COL18A1: variants seen among roughly 807,000 people sequenced by gnomAD.
COL18A1 encodes the protein collagen alpha-1(XVIII) chain.
COL18A1 carries 133 observed loss-of-function variants against 168.0 expected under a neutral mutation model. That is an observed-to-expected ratio of 0.79 (90% CI 0.69 to 0.91). The LOEUF (loss-of-function observed/expected upper bound fraction) is 0.91. Ranked by LOEUF, COL18A1 falls within the 40% of genes least tolerant of loss-of-function variation. The pLI, the probability that COL18A1 is intolerant of heterozygous loss-of-function variation, is 0.00. For synonymous variants in COL18A1, 949 were observed against 809.0 expected (o/e 1.17, Z -2.94); for missense variants, 2,126 against 1,925.4 (o/e 1.10, Z -1.95).
At chr21:45,493,353 T>TCC in intron 25 of COL18A1, 128 bp downstream of exon 25, 1 of 1,287,734 alleles carries the variant, frequency 7.8e-7, no homozygotes, top group Non-Finnish European at 1.1e-6. Context: ...GAGGGGTACA[T>TCC]CCCTGCTCGG....
At chr21:45,495,668 A>G (rs1186908562) in intron 29 of COL18A1, 6 of 521,640 alleles carry the variant, frequency 1.2e-5, no homozygotes, top group African/African-American at 9.6e-5. Flanking sequence ...GTGTGCACAT[A>G]TACACATGCA....
intron 15 of COL18A1, among the ~76,000 whole-genome samples, chr21:45,485,358 C>G (rs1032112463): frequency 6.6e-6 from 1 of 151,142 alleles, no homozygotes; most frequent in Non-Finnish European, 1.5e-5. Flanking sequence ...AGGCTGGACA[C>G]GATGGCTCAC....
In COL18A1 at chr21:45,475,187, G is replaced by C. The variant is rs530353785; in HGVS notation, c.739-289G>C. Among the ~76,000 whole-genome samples the C allele has an allele frequency of 1.2e-4, 18 of 152,342 alleles. No homozygotes were observed. The East Asian group carries it at 3.5e-3, about 30-fold the overall frequency. On this transcript the variant is annotated intron_variant, in intron 4 of 41. Transcript: ENST00000651438. Reference sequence around the variant, plus strand: ...AGGGCTCTGGCCAGAAGAGAGGAGCGCGTTCCCCCTCCCGCCTCCGCATGT... The same window carrying C: ...AGGGCTCTGGCCAGAAGAGAGGAGCCCGTTCCCCCTCCCGCCTCCGCATGT...
intron 9 of COL18A1, among the ~76,000 whole-genome samples, chr21:45,479,304 C>T (rs1254010016): frequency 1.3e-5 from 2 of 152,050 alleles, no homozygotes; most frequent in African/African-American, 2.4e-5. Flanking sequence ...TGTGTGCACA[C>T]ACCACACATT....
At chr21:45,468,949 G>A (rs995416090) in intron 3 of COL18A1, among the ~76,000 whole-genome samples, 163 bp downstream of exon 3, 3 of 152,094 alleles carry the variant, frequency 2.0e-5, no homozygotes, top group Non-Finnish European at 2.9e-5. Flanking sequence ...GTTCTTGGCT[G>A]CTCAGCCCTG....
At chr21:45,410,120 G>A (rs140886659) in intron 2 of COL18A1, 12 of 152,156 alleles carry the variant, frequency 7.9e-5, no homozygotes, top group African/African-American at 2.9e-4. Flanking sequence ...CCTCCGGCGC[G>A]GGCAGGCCCC....
rs1403429310 is a variant in COL18A1 at position 45,505,146 on chromosome 21, G to A, written c.2881G>A (p.Glu961Lys). 6.2e-7 allele frequency: 1 copy of A among 1,609,488 alleles called. No homozygotes were observed. Among genetic ancestry groups the A allele is most frequent in the Admixed American group, 1.7e-5 (1 of 59,652 alleles). Residue 961 changes from glutamate (E) to lysine (K), a missense_variant, in exon 35 of 42, where the codon GAG (glutamate) becomes AAG (lysine). Transcript: ENST00000651438. ...TCGCCGTCCGTAGGGTCCCAAGGGA[G>A]AGAGCATCCGGGGCCAGCCCGGCCC... is the stretch of plus-strand genomic sequence containing the variant. ...GYPGIPGPKGESIRGQPGPPG... is the reference protein window; with the variant it reads ...GYPGIPGPKGKSIRGQPGPPG...
chr21:45,424,952 T>G (rs1057031560), intron 2 of COL18A1: 4 of 152,222 alleles, frequency 2.6e-5, no homozygotes, highest in Admixed American at 2.6e-4. Flanking sequence ...CCACTGAGGG[T>G]CCAAACCGGT....
At position 45,428,876 on chromosome 21, in the gene COL18A1, G is replaced by A. The variant is rs369042999; in HGVS notation, c.106+23403G>A. Among the ~76,000 whole-genome samples the A allele has an allele frequency of 1.4e-4, 21 of 151,958 alleles. No homozygotes were observed. In the East Asian group the frequency reaches 1.5e-3, roughly 11 times the overall value. The stretch of plus-strand genomic sequence containing the variant: ...ATGTGCCTGAAATGTCTCTGCACTC[G>A]AGACTATAGCTTGCTTTCTTTCTTT... On this transcript the variant is annotated intron_variant, in intron 2 of 41. Coordinates refer to ENST00000651438, the MANE Select transcript of COL18A1 (RefSeq NM_001379500.1).
At chr21:45,426,106 ACTTTTTTT>A (rs1400511113) in intron 2 of COL18A1, among the ~76,000 whole-genome samples, 3 of 151,946 alleles carry the variant, frequency 2.0e-5, no homozygotes, top group African/African-American at 7.3e-5. Flanking sequence ...CTTTCGAGTT[ACTTTTTTT>A]CTTTTTTTGA....
chr21:45,437,103 G>GTA (rs2034125163), intron 2 of COL18A1, among the ~76,000 whole-genome samples: 1 of 114,666 alleles, frequency 8.7e-6, no homozygotes, highest in African/African-American at 4.1e-5. Flanking sequence ...GCACTCTCCT[G>GTA]CACACACACT....
In COL18A1 at chr21:45,510,997, AACACACCCCCCCCCCACACAT is replaced by A. The variant is rs2037559805; in HGVS notation, c.3694-113_3694-93del. On this transcript the variant is annotated intron_variant, in intron 40 of 41. Transcript: ENST00000651438. ...AACACCCCCCACACCCCACACACAC[AACACACCCCCCCCCCACACAT>A]CCACACCCCACATCCACACACCCCC... The A allele has an allele frequency of 1.4e-4, 3 of 21,718 alleles. 1 individual carries two copies. The highest frequency in any genetic ancestry group is 6.8e-4 in the Admixed American group (2 of 2,926). The allele number at this position is 21,718 out of a possible 1,614,324, so 1.3% of individuals were successfully genotyped here.
intron 19 of COL18A1, among the ~76,000 whole-genome samples, chr21:45,489,784 G>A (rs957644690): frequency 3.9e-4 from 55 of 139,564 alleles, no homozygotes; most frequent in African/African-American, 1.3e-3. Flanking sequence ...TGCAGGCCCC[G>A]TCGGCCCCTG....
At chr21:45,451,406 C>CT (rs1454583034) in intron 2 of COL18A1, among the ~76,000 whole-genome samples, 2 of 152,208 alleles carry the variant, frequency 1.3e-5, no homozygotes, top group East Asian at 3.9e-4. Flanking sequence ...GTTGTCATAA[C>CT]TGAGAGCCAG....
chr21:45,421,391 G>A (rs147928978), intron 2 of COL18A1: 64 of 533,306 alleles, frequency 1.2e-4, no homozygotes, highest in Admixed American at 2.5e-4. Flanking sequence ...AGGGCACTGC[G>A]GTGCCTGGAG....
At chr21:45,512,129 G>C (rs1003993024) in intron 41 of COL18A1, 59 bp from the exon 42 acceptor site, 5 of 1,543,878 alleles carry the variant, frequency 3.2e-6, no homozygotes, top group African/African-American at 1.4e-5. Context: ...CCCGGGGAGC[G>C]GCCTCTGCCC....
intron 32 of COL18A1, among the ~76,000 whole-genome samples, chr21:45,501,541 T>G (rs2036824825): frequency 6.6e-6 from 1 of 152,100 alleles, no homozygotes; most frequent in South Asian, 2.1e-4. Flanking sequence ...GAGAAGCAGG[T>G]GGAAGTCAGA....
At chr21:45,432,665 C>T (rs1363222810) in intron 2 of COL18A1, among the ~76,000 whole-genome samples, 2 of 152,256 alleles carry the variant, frequency 1.3e-5, no homozygotes. Context: ...TGGCCAGTTT[C>T]TGTGTGATTG....
chr21:45,483,111 G>A (rs894051730), intron 15 of COL18A1, among the ~76,000 whole-genome samples: 2 of 152,248 alleles, frequency 1.3e-5, no homozygotes, highest in South Asian at 2.1e-4. Flanking sequence ...GAGCTCATCT[G>A]GAAACAAGCT....
Sources: gnomAD v4.1 joint callset for allele counts (sites outside exome capture counted in the v4.1 genomes callset) on GRCh38, gnomAD v4.1.1 for gene constraint, MANE v1.5 for transcripts, NCBI Gene and HGNC (gene_info 2026-07-23, HGNC 2026-07-21) for gene names.